The following TRPS1 variants were observed in gnomAD, a reference collection of about 807,000 sequenced individuals.
TRPS1 encodes zinc finger transcription factor Trps1.
A neutral mutation model predicts 101.2 loss-of-function variants in TRPS1; 6 were observed. That is an observed-to-expected ratio of 0.06 (90% confidence interval 0.03 to 0.12). The LOEUF (loss-of-function observed/expected upper bound fraction) is 0.12, where lower values mean the gene tolerates loss of function less well. Ranked by LOEUF, TRPS1 falls within the 10% of genes least tolerant of loss-of-function variation. The pLI is 1.00. For missense variants in TRPS1, 1,363 were observed against 1,567.0 expected, an observed-to-expected ratio of 0.87 and a Z score of 2.20; for synonymous variants, 578 against 589.8, an observed-to-expected ratio of 0.98 and a Z score of 0.29.
intron 4 of TRPS1, among the ~76,000 whole-genome samples, chr8:115,603,528 GA>G (rs1563635970): frequency 6.6e-6 from 1 of 152,134 alleles, no homozygotes; most frequent in Admixed American, 6.5e-5. Context: ...ATAGGATGTG[GA>G]GTCATATTTA....
At chr8:115,583,541 AT>A (rs1158441864) in intron 5 of TRPS1, among the ~76,000 whole-genome samples, 1 of 152,144 alleles carries the variant, frequency 6.6e-6, no homozygotes, top group African/African-American at 2.4e-5. Flanking sequence ...AAATGTTAAG[AT>A]AATAAAGTTG....
At chr8:115,507,645 G>A (rs529554103) in intron 5 of TRPS1, among the ~76,000 whole-genome samples, 31 of 152,046 alleles carry the variant, frequency 2.0e-4, no homozygotes, top group African/African-American at 7.2e-4. Flanking sequence ...AAAACATTCC[G>A]CTAATATTAC....
chr8:115,572,730 A>T (rs899924460), intron 5 of TRPS1, among the ~76,000 whole-genome samples: 1 of 152,174 alleles, frequency 6.6e-6, no homozygotes, highest in African/African-American at 2.4e-5. Flanking sequence ...CCAGCTATCC[A>T]TTAGATATTT....
chr8:115,495,402 T>C (rs1815124642), intron 5 of TRPS1, among the ~76,000 whole-genome samples: 1 of 151,446 alleles, frequency 6.6e-6, no homozygotes, highest in Non-Finnish European at 1.5e-5. Flanking sequence ...ACCTGTACTA[T>C]AGTCTGATAG....
chr8:115,658,157 C>T (rs1224762888), intron 1 of TRPS1, among the ~76,000 whole-genome samples: 1 of 152,132 alleles, frequency 6.6e-6, no homozygotes, highest in Non-Finnish European at 1.5e-5. Flanking sequence ...ATGATCTCTG[C>T]TTACTCTTCT....
chr8:115,667,936 TGGC>T (rs965777285), intron 1 of TRPS1: 132 of 1,529,978 alleles, frequency 8.6e-5, no homozygotes, highest in Non-Finnish European at 1.0e-4. Context: ...AAACTTGCAG[TGGC>T]GGCGGCGGCG....
Position 115,418,256 on chromosome 8 carries a change from G to T in TRPS1, c.2823+74C>A, listed in dbSNP as rs1387625220. 5.0e-6 allele frequency: 8 copies of T among 1,612,492 alleles called. No homozygotes were observed. In the Admixed American group the frequency reaches 1.3e-4, roughly 27 times the overall value. On this transcript the variant is annotated intron_variant, in intron 6 of 6. Coordinates refer to ENST00000395715, the MANE Select transcript of TRPS1 (RefSeq NM_014112.5). This position sits in a 1 kb window ranked among gnomAD's most constrained non-coding sequence, Gnocchi z 4.3. ...GGCAGGCACTGCAAGCCAGGGAATG[G>T]GACTTATCACACCACAGACCAGGCC...
chr8:115,585,875 T>G (rs1301269492), intron 5 of TRPS1, among the ~76,000 whole-genome samples: 2 of 152,174 alleles, frequency 1.3e-5, no homozygotes, highest in Non-Finnish European at 2.9e-5. Context: ...CTTCTATAAT[T>G]AACTGTGCAC....
chr8:115,591,614 G>C (rs982524882), intron 4 of TRPS1, among the ~76,000 whole-genome samples: 3 of 152,230 alleles, frequency 2.0e-5, no homozygotes, highest in Admixed American at 6.5e-5. Context: ...TCCTGGAGAG[G>C]ACCTCGTGAA....
intron 6 of TRPS1, among the ~76,000 whole-genome samples, chr8:115,415,539 A>C (rs1216004453): frequency 6.6e-6 from 1 of 152,196 alleles, no homozygotes; most frequent in Non-Finnish European, 1.5e-5. Context: ...GAATAAGTTT[A>C]TATGTTGAAG....
chr8:115,623,463 G>C, intron 2 of TRPS1, 138 bp downstream of exon 2: 1 of 915,528 alleles, frequency 1.1e-6, no homozygotes, highest in Non-Finnish European at 1.6e-6. Context: ...CCCCTAGCGA[G>C]TCGTAAGTTA....
intron 5 of TRPS1, among the ~76,000 whole-genome samples, chr8:115,515,620 A>G (rs1815691719): frequency 6.6e-6 from 1 of 151,484 alleles, no homozygotes; most frequent in African/African-American, 2.4e-5. Flanking sequence ...GTTATATTCT[A>G]AGTGCTCTTA....
At chr8:115,463,950 C>T (rs73367495) in intron 5 of TRPS1, among the ~76,000 whole-genome samples, 3,307 of 151,968 alleles carry the variant, frequency 0.022, 126 homozygotes, top group African/African-American at 0.07. Flanking sequence ...CATCTTCCTA[C>T]AAAGTAGTTT....
At chr8:115,643,686 G>A (rs936731441) in intron 1 of TRPS1, among the ~76,000 whole-genome samples, 1 of 152,186 alleles carries the variant, frequency 6.6e-6, no homozygotes, top group Non-Finnish European at 1.5e-5. Flanking sequence ...TTCTGCTAAT[G>A]TTGATGTTTT....
intron 5 of TRPS1, among the ~76,000 whole-genome samples, chr8:115,433,967 C>T (rs1813386368): frequency 9.6e-6 from 1 of 104,700 alleles, no homozygotes; most frequent in South Asian, 3.8e-4. Context: ...TTTAAAGCGC[C>T]TGCTGTCAGA....
chr8:115,601,823 G>A (rs1275791407), intron 4 of TRPS1, among the ~76,000 whole-genome samples: 2 of 152,078 alleles, frequency 1.3e-5, no homozygotes, highest in African/African-American at 4.8e-5. Context: ...AACTCACAGG[G>A]ATCTCATTTA....
chr8:115,583,822 A>G (rs1817506140), intron 5 of TRPS1, among the ~76,000 whole-genome samples: 1 of 152,100 alleles, frequency 6.6e-6, no homozygotes, highest in African/African-American at 2.4e-5. Flanking sequence ...GGAAAAATAT[A>G]GACATTTACT....
intron 5 of TRPS1, among the ~76,000 whole-genome samples, chr8:115,486,846 A>C (rs2130085986): frequency 6.6e-6 from 1 of 152,340 alleles, no homozygotes; most frequent in South Asian, 2.1e-4. Flanking sequence ...TAAAAGTATA[A>C]GGTTAAGAAG....
At chr8:115,548,864 T>C (rs1251050893) in intron 5 of TRPS1, among the ~76,000 whole-genome samples, 1 of 152,188 alleles carries the variant, frequency 6.6e-6, no homozygotes, top group Non-Finnish European at 1.5e-5. Flanking sequence ...AGGCTTCTGA[T>C]TGCTAACAAT....
Sources: gnomAD v4.1 joint callset for allele counts (sites outside exome capture counted in the v4.1 genomes callset) on GRCh38, gnomAD v4.1.1 for gene constraint, Gnocchi (gnomAD v3.1) non-coding constraint, MANE v1.5 for transcripts, NCBI Gene and HGNC (gene_info 2026-07-23, HGNC 2026-07-21) for gene names.